Variants in TPRG1 observed in about 807,000 individuals in gnomAD.
The protein encoded by TPRG1 is tumor protein p63-regulated gene 1 protein.
In TPRG1, 29 loss-of-function variants were observed where a neutral mutation model predicts 29.3. The ratio of observed to expected loss-of-function variants is 0.99; its 90% confidence interval spans 0.74 to 1.35. The LOEUF is 1.35. TPRG1 is among the 40% of genes most tolerant of loss of function. The pLI is 0.00. For synonymous variants in TPRG1, 130 were observed against 116.8 expected (o/e 1.11, Z -0.73); for missense variants, 327 against 335.0 (o/e 0.98, Z 0.19).
chr3:189,152,521 A>G (rs957788221), intron 5 of TPRG1, among the ~76,000 whole-genome samples: 4 of 152,194 alleles, frequency 2.6e-5, no homozygotes, highest in African/African-American at 9.7e-5. Flanking sequence ...TAGAGAGGAA[A>G]CATAAGAAAA....
intron 1 of TPRG1, among the ~76,000 whole-genome samples, chr3:189,206,808 C>CGTGTGTGTGTGT (rs142505576): frequency 0.21 from 30,883 of 147,522 alleles, 3,570 homozygotes; most frequent in South Asian, 0.27. Context: ...GCTGAACAAC[C>CGTGTGTGTGTGT]GTGTGTGTGT....
At chr3:189,150,661 T>C (rs1725831882) in exon 5 of TPRG1, 1 of 152,184 alleles carries the variant, frequency 6.6e-6, no homozygotes, top group African/African-American at 2.4e-5. Context: ...AATAGAGTTA[T>C]AAGGATTCAT....
Position 189,141,725 on chromosome 3 carries a change from C to CT in TPRG1, c.-290-5857dup, listed in dbSNP as rs202069392. Among the ~76,000 whole-genome samples the CT allele has an allele frequency of 9.3e-3, 1,418 of 152,240 alleles. 20 individuals are homozygous for CT. The highest frequency in any genetic ancestry group is 0.032 in the African/African-American group (1,331 of 41,526). On this transcript the variant is annotated intron_variant, in intron 3 of 6. Coordinates refer to the TPRG1 transcript ENST00000412373. ...CTACAATGAAGAGCAAAACATAGTC[C>CT]TTGAAATTTACCAACGTTACAGTCT...
chr3:189,257,262 GA>G (rs1365148491), intron 4 of TPRG1, among the ~76,000 whole-genome samples: 1 of 152,150 alleles, frequency 6.6e-6, no homozygotes, highest in Admixed American at 6.5e-5. Flanking sequence ...CTTTACTTAA[GA>G]AGCTTAGTTT....
chr3:189,235,826 T>A (rs946045640), intron 3 of TPRG1, among the ~76,000 whole-genome samples: 13 of 152,160 alleles, frequency 8.5e-5, no homozygotes, highest in Middle Eastern at 3.2e-3. Flanking sequence ...ATTGAACAAG[T>A]CATTTTAAGG....
intron 4 of TPRG1, among the ~76,000 whole-genome samples, chr3:189,299,681 T>C (rs1439918849): frequency 6.6e-6 from 1 of 151,850 alleles, no homozygotes; most frequent in East Asian, 1.9e-4. Context: ...TCCAACCGAT[T>C]TGACCATGAA....
intron 4 of TPRG1, among the ~76,000 whole-genome samples, chr3:189,083,437 C>G (rs553004563): frequency 2.0e-5 from 3 of 152,296 alleles, no homozygotes; most frequent in African/African-American, 7.2e-5. Flanking sequence ...GGTCCTTGGG[C>G]CTGTCACGCC....
intron 2 of TPRG1, among the ~76,000 whole-genome samples, chr3:189,003,957 A>T (rs1712159229): frequency 6.6e-6 from 1 of 152,134 alleles, no homozygotes; most frequent in African/African-American, 2.4e-5. Context: ...AATGGATCTT[A>T]CCATATGGCC....
chr3:189,032,585 CT>C (rs199590341), intron 4 of TPRG1, among the ~76,000 whole-genome samples: 13 of 148,740 alleles, frequency 8.7e-5, no homozygotes, highest in Non-Finnish European at 1.0e-4. Flanking sequence ...TTAATCTCTC[CT>C]TTTTTTTTCT....
At chr3:189,227,267 G>C (rs998111514) in intron 3 of TPRG1, among the ~76,000 whole-genome samples, 1 of 152,198 alleles carries the variant, frequency 6.6e-6, no homozygotes, top group African/African-American at 2.4e-5. Flanking sequence ...GTTTGGGATT[G>C]TCTCTCTGTA....
chr3:189,220,007 C>T (rs1180964930), intron 3 of TPRG1, among the ~76,000 whole-genome samples: 2 of 152,128 alleles, frequency 1.3e-5, no homozygotes, highest in Non-Finnish European at 2.9e-5. Flanking sequence ...ATAGAGAAAG[C>T]ACTGAATTCA....
chr3:189,099,174 G>A (rs910740165), upstream of TPRG1, among the ~76,000 whole-genome samples: 96 of 152,114 alleles, frequency 6.3e-4, no homozygotes, highest in Non-Finnish European at 1.1e-3. Context: ...CACAAGCGGC[G>A]CTCCCCTACC....
chr3:189,110,878 G>T (rs1246614207), intron 1 of TPRG1, among the ~76,000 whole-genome samples: 4 of 151,344 alleles, frequency 2.6e-5, no homozygotes, highest in African/African-American at 9.7e-5. Flanking sequence ...TCCACATGTG[G>T]ATCTGCTTTT....
intron 4 of TPRG1, among the ~76,000 whole-genome samples, chr3:189,057,213 C>G (rs1349763977): frequency 6.6e-6 from 1 of 152,160 alleles, no homozygotes; most frequent in African/African-American, 2.4e-5. Context: ...ATTTGAGGCC[C>G]TGGGCTTATG....
chr3:189,201,726 T>C (rs1010386773), intron 1 of TPRG1, among the ~76,000 whole-genome samples: 2 of 152,130 alleles, frequency 1.3e-5, no homozygotes, highest in African/African-American at 4.8e-5. Flanking sequence ...CTCAGCTCAC[T>C]GCAACCTCCG....
At chr3:189,020,672 AGGTGT>A (rs1158838419) in intron 3 of TPRG1, among the ~76,000 whole-genome samples, 1 of 139,128 alleles carries the variant, frequency 7.2e-6, no homozygotes, top group African/African-American at 2.7e-5. Context: ...ATTTTGGAAT[AGGTGT>A]GGTGTGGTGC....
chr3:189,110,731 T>C (rs1720408643), intron 1 of TPRG1, among the ~76,000 whole-genome samples: 1 of 152,018 alleles, frequency 6.6e-6, no homozygotes, highest in Non-Finnish European at 1.5e-5. Context: ...AGTTAAGTTT[T>C]TATAAGGTAC....
intron 5 of TPRG1, among the ~76,000 whole-genome samples, chr3:189,315,297 TG>T (rs1560694198): frequency 1.3e-5 from 2 of 151,652 alleles, no homozygotes; most frequent in Non-Finnish European, 2.9e-5. Context: ...TGTGTGTGTG[TG>T]TGTGTGTGTG....
At chr3:189,299,382 G>A (rs1003063718) in intron 4 of TPRG1, among the ~76,000 whole-genome samples, 5 of 152,118 alleles carry the variant, frequency 3.3e-5, no homozygotes, top group African/African-American at 1.2e-4. Context: ...AAAGCAAGCC[G>A]TATACTATAT....
Sources: allele counts gnomAD v4.1 joint callset (sites outside exome capture counted in the v4.1 genomes callset), GRCh38; gene constraint gnomAD v4.1.1; transcripts MANE v1.5; gene names NCBI Gene and HGNC (gene_info 2026-07-23, HGNC 2026-07-21).